CNTNAP5: variants seen among roughly 807,000 people sequenced by gnomAD.
CNTNAP5 encodes the protein contactin associated protein family member 5, also known as contactin-associated protein-like 5.
CNTNAP5 carries 72 observed loss-of-function variants against 150.2 expected under a neutral mutation model. The ratio of observed to expected loss-of-function variants is 0.48; its 90% CI spans 0.40 to 0.58. The LOEUF is 0.58. CNTNAP5 is among the 20% of genes least tolerant of loss of function. The probability of loss-of-function intolerance (pLI) is 0.00; values close to 1 mark genes in which losing one functional copy is unlikely to be tolerated. For synonymous variants in CNTNAP5, 672 were observed against 619.8 expected (o/e 1.08, Z -1.25); for missense variants, 1,636 against 1,626.2 (o/e 1.01, Z -0.10).
chr2:124,452,898 T>C (rs1042208214), intron 6 of CNTNAP5, among the ~76,000 whole-genome samples: 1 of 152,102 alleles, frequency 6.6e-6, no homozygotes, highest in African/African-American at 2.4e-5. Flanking sequence ...CCAGACCTTC[T>C]CTTTCACATA....
intron 1 of CNTNAP5, among the ~76,000 whole-genome samples, chr2:124,083,021 C>T (rs1477080004): frequency 2.6e-5 from 4 of 152,148 alleles, no homozygotes; most frequent in African/African-American, 7.2e-5. Flanking sequence ...GTTATATATA[C>T]TGGATACTAC....
chr2:124,487,359 T>G (rs578093028), intron 7 of CNTNAP5, among the ~76,000 whole-genome samples: 1 of 152,292 alleles, frequency 6.6e-6, no homozygotes, highest in East Asian at 1.9e-4. Flanking sequence ...CAAAGCTAAA[T>G]GAACATACGT....
chr2:124,101,081 A>G (rs1683051611), intron 1 of CNTNAP5, among the ~76,000 whole-genome samples: 1 of 152,120 alleles, frequency 6.6e-6, no homozygotes, highest in Admixed American at 6.5e-5. Context: ...AACTTGGTCA[A>G]CCCTTGATCA....
At chr2:124,686,054 T>C (rs887300702) in intron 13 of CNTNAP5, among the ~76,000 whole-genome samples, 3 of 152,118 alleles carry the variant, frequency 2.0e-5, no homozygotes, top group Non-Finnish European at 4.4e-5. Context: ...CCCATCTAAT[T>C]CCAGAATTTC....
chr2:124,390,542 T>C (rs1048469023), intron 3 of CNTNAP5, among the ~76,000 whole-genome samples: 1 of 152,128 alleles, frequency 6.6e-6, no homozygotes, highest in Non-Finnish European at 1.5e-5. Flanking sequence ...ATGTGTAGAG[T>C]ACACAAAGCA....
At chr2:124,362,025 A>T (rs1329047118) in intron 3 of CNTNAP5, among the ~76,000 whole-genome samples, 1 of 152,178 alleles carries the variant, frequency 6.6e-6, no homozygotes, top group East Asian at 1.9e-4. Flanking sequence ...GCCGTTTTTT[A>T]AGCCGGTCCG....
At chr2:124,426,915 A>C (rs1692251918) in intron 4 of CNTNAP5, among the ~76,000 whole-genome samples, 1 of 152,048 alleles carries the variant, frequency 6.6e-6, no homozygotes. Flanking sequence ...CCAAAAGGAG[A>C]GGTTGTGCAC....
intron 11 of CNTNAP5, among the ~76,000 whole-genome samples, chr2:124,573,367 T>A (rs1205724170): frequency 1.3e-5 from 2 of 152,210 alleles, no homozygotes; most frequent in Non-Finnish European, 2.9e-5. Context: ...TTTATCTATG[T>A]CTTTCTCTCC....
chr2:124,261,690 T>C (rs982700652), intron 3 of CNTNAP5, among the ~76,000 whole-genome samples: 1 of 152,168 alleles, frequency 6.6e-6, no homozygotes, highest in Non-Finnish European at 1.5e-5. Context: ...CATTCTGTAC[T>C]CAGGAGCTAC....
intron 10 of CNTNAP5, among the ~76,000 whole-genome samples, chr2:124,532,773 C>T (rs1253670805): frequency 2.6e-5 from 4 of 152,140 alleles, no homozygotes. Context: ...CAAAACCTAC[C>T]TTTGTGCTAA....
At chr2:124,493,783 A>G (rs1021783536) in intron 7 of CNTNAP5, among the ~76,000 whole-genome samples, 1 of 152,078 alleles carries the variant, frequency 6.6e-6, no homozygotes, top group Non-Finnish European at 1.5e-5. Context: ...CTTCACACAC[A>G]CTTGCTATTT....
At chr2:124,047,498 T>C (rs1681570060) in intron 1 of CNTNAP5, among the ~76,000 whole-genome samples, 1 of 152,236 alleles carries the variant, frequency 6.6e-6, no homozygotes, top group African/African-American at 2.4e-5. Flanking sequence ...ATGACCTGCA[T>C]ATTGTGTATA....
chr2:124,874,654 A>T (rs1273469669), intron 21 of CNTNAP5, among the ~76,000 whole-genome samples: 1 of 152,070 alleles, frequency 6.6e-6, no homozygotes, highest in Non-Finnish European at 1.5e-5. Flanking sequence ...ATCTCTTCTT[A>T]AAGAAGACTT....
chr2:124,510,265 CTA>C (rs1257251882), intron 8 of CNTNAP5, among the ~76,000 whole-genome samples: 1 of 86,842 alleles, frequency 1.2e-5, no homozygotes, highest in African/African-American at 4.5e-5. Flanking sequence ...ATCTATATAT[CTA>C]TATATCTATA....
chr2:124,399,889 G>A (rs923801731), intron 3 of CNTNAP5, among the ~76,000 whole-genome samples: 1 of 152,080 alleles, frequency 6.6e-6, no homozygotes, highest in South Asian at 2.1e-4. Flanking sequence ...TGACACTTAA[G>A]ATTCCTAAAT....
intron 6 of CNTNAP5, 114 bp downstream of exon 6, chr2:124,447,051 C>T: frequency 1.1e-6 from 1 of 933,732 alleles, no homozygotes; most frequent in Non-Finnish European, 1.6e-6. Flanking sequence ...GAGTCTTACC[C>T]TGGGACTTAC....
chr2:124,828,629 G>A (rs1215342175), intron 19 of CNTNAP5, among the ~76,000 whole-genome samples: 1 of 149,136 alleles, frequency 6.7e-6, no homozygotes, highest in African/African-American at 2.5e-5. Flanking sequence ...TTGAATAGTT[G>A]GATTAGCCTG....
At position 124,474,319 on chromosome 2, in the gene CNTNAP5, A is replaced by G. The variant is rs138363237; in HGVS notation, c.919-420A>G. On this transcript the variant is annotated intron_variant, in intron 6 of 23. Coordinates refer to ENST00000682447, the MANE Select transcript of CNTNAP5 (RefSeq NM_001367498.1). The stretch of plus-strand genomic sequence containing the variant: ...TTATGCATAAGGCTTTTTGCATACA[A>G]TATAGGCTTTTAAACTAGGTTCTTC... Among the ~76,000 whole-genome samples, 988 of 152,168 alleles carry G rather than the reference A, an allele frequency of 6.5e-3. 14 individuals are homozygous for G. The highest frequency in any genetic ancestry group is 0.023 in the African/African-American group (942 of 41,542).
intron 10 of CNTNAP5, among the ~76,000 whole-genome samples, chr2:124,554,679 C>G (rs1403326011): frequency 6.6e-6 from 1 of 152,116 alleles, no homozygotes; most frequent in African/African-American, 2.4e-5. Flanking sequence ...GCCTCGGCCT[C>G]CTAAAGGGCT....
Sources: allele counts gnomAD v4.1 joint callset (sites outside exome capture counted in the v4.1 genomes callset), GRCh38; gene constraint gnomAD v4.1.1; transcripts MANE v1.5; gene names NCBI Gene and HGNC (gene_info 2026-07-23, HGNC 2026-07-21).